The following ZC3HC1 variants were observed in gnomAD, a reference collection of about 807,000 sequenced individuals.
The protein encoded by ZC3HC1 is zinc finger C3HC-type containing 1, also known as zinc finger C3HC-type protein 1.
A neutral mutation model predicts 61.9 loss-of-function variants in ZC3HC1; 38 were observed. That is an observed-to-expected ratio of 0.61 (90% CI 0.47 to 0.81). The LOEUF is 0.81. Among genes scored for constraint, ZC3HC1 ranks in the 30% least tolerant of loss-of-function variants. ZC3HC1 has a pLI of 0.00. For missense variants in ZC3HC1, 554 were observed against 622.7 expected, an observed-to-expected ratio of 0.89 and a Z score of 1.17; for synonymous variants, 213 against 229.9, an observed-to-expected ratio of 0.93 and a Z score of 0.67.
chr7:130,022,660 G>A (rs1793701707), intron 8 of ZC3HC1, 135 bp from the exon 9 acceptor site: 1 of 922,372 alleles, frequency 1.1e-6, no homozygotes, highest in African/African-American at 1.7e-5. Context: ...TTCAAACTTT[G>A]CCTACACATT....
chr7:130,039,441 C>T (rs759195798), intron 4 of ZC3HC1, 23 bp downstream of exon 4: 2 of 1,588,824 alleles, frequency 1.3e-6, no homozygotes, highest in Non-Finnish European at 1.7e-6. Context: ...AAATGGTGAA[C>T]AGGAATTCTC....
At position 130,023,628 on chromosome 7, in the gene ZC3HC1, G is replaced by A; in HGVS notation, c.1116C>T (p.Thr372=). 1 of 1,614,168 alleles carries A rather than the reference G, an allele frequency of 6.2e-7. No homozygotes were observed. Among genetic ancestry groups the A allele is most frequent in the South Asian group, 1.1e-5 (1 of 91,082 alleles). Residue 372 remains threonine (T), a synonymous_variant, in exon 8 of 10, where the codon ACC becomes ACT. Coordinates refer to ENST00000358303, the MANE Select transcript of ZC3HC1 (RefSeq NM_016478.5). This position sits in a 1 kb window ranked among gnomAD's most constrained non-coding sequence, Gnocchi z 4.2. ...TTCGGGTCACTGGGCGAGTTCTGGTGGTGGGGCTAGCAGCCTCTGGCTCAG... is the reference window on the plus strand; with the variant it reads ...TTCGGGTCACTGGGCGAGTTCTGGTAGTGGGGCTAGCAGCCTCTGGCTCAG... ...DRPEPEAASP[T]TRTRPVTRSM... is the part of the protein sequence containing the mutation.
At chr7:130,030,502 G>A (rs1584573239) in intron 4 of ZC3HC1, among the ~76,000 whole-genome samples, 1 of 151,148 alleles carries the variant, frequency 6.6e-6, no homozygotes, top group East Asian at 2.0e-4. Flanking sequence ...GCCCAGCCCT[G>A]AATCAGCTTT....
chr7:130,038,001 G>A (rs928901093), intron 4 of ZC3HC1, among the ~76,000 whole-genome samples: 5 of 152,108 alleles, frequency 3.3e-5, no homozygotes, highest in African/African-American at 1.2e-4. Context: ...TATATTTATT[G>A]CTCAGGCTGG....
chr7:130,046,318 A>C (rs894402883), intron 2 of ZC3HC1, among the ~76,000 whole-genome samples: 1 of 152,084 alleles, frequency 6.6e-6, no homozygotes, highest in Non-Finnish European at 1.5e-5. Context: ...AAAGTTGAAG[A>C]AAAAAAGGCC....
At chr7:130,019,616 T>C (rs2116637109) in intron 9 of ZC3HC1, among the ~76,000 whole-genome samples, 1 of 152,068 alleles carries the variant, frequency 6.6e-6, no homozygotes, top group Non-Finnish European at 1.5e-5. Flanking sequence ...TGAGAAATGG[T>C]GGTAAAGGGA....
At position 130,039,458 on chromosome 7, in the gene ZC3HC1, A is replaced by G. The variant is rs752963303; in HGVS notation, c.493+6T>C. ...ATGGTGAACAGGAATTCTCAAAAATAAGTACCTGGGGATGGGCTGTCTGGC... is the reference window on the plus strand; with the variant it reads ...ATGGTGAACAGGAATTCTCAAAAATGAGTACCTGGGGATGGGCTGTCTGGC... On this transcript the variant is annotated splice_donor_region_variant and intron_variant, in intron 4 of 9. Transcript: ENST00000358303. 1 of 1,605,798 alleles carries G rather than the reference A, an allele frequency of 6.2e-7. No homozygotes were observed. The highest frequency in any genetic ancestry group is 8.5e-7 in the Non-Finnish European group (1 of 1,177,210).
chr7:130,024,483 A>T lies in ZC3HC1; in HGVS notation c.800T>A (p.Leu267His). 6.2e-7 allele frequency: 1 copy of T among 1,609,994 alleles called. No homozygotes were observed. The highest frequency in any genetic ancestry group is 8.5e-7 in the Non-Finnish European group (1 of 1,178,524). The change falls in exon 7 of 10, where the codon CTC becomes CAC. Residue 267 changes from leucine (L) to histidine (H), a missense_variant. Physicochemically the swap from Leu to His is moderately conservative, Grantham distance 99. Coordinates refer to ENST00000358303, the MANE Select transcript of ZC3HC1 (RefSeq NM_016478.5). ...ACSSSLESMQ[L>H]SLITCSQCMR... ...ACATTGCGAACATGTTATCAGGGAG[A>T]GCTGCATGGATTCCAAAGAGGAACT... is the stretch of plus-strand genomic sequence containing the variant.
chr7:130,036,117 T>G (rs1291314198), intron 4 of ZC3HC1, among the ~76,000 whole-genome samples: 2 of 152,122 alleles, frequency 1.3e-5, no homozygotes, highest in African/African-American at 4.8e-5. Context: ...ATGCCTGTTT[T>G]TTTTTTTTTT....
At chr7:130,041,615 A>C (rs1584590785) in intron 2 of ZC3HC1, among the ~76,000 whole-genome samples, 1 of 131,664 alleles carries the variant, frequency 7.6e-6, no homozygotes, top group East Asian at 2.3e-4. Context: ...TGCAACCTCC[A>C]CTTCCCGGGT....
At chr7:130,048,416 T>A (rs143040527) in intron 2 of ZC3HC1, among the ~76,000 whole-genome samples, 1 of 152,076 alleles carries the variant, frequency 6.6e-6, no homozygotes, top group Non-Finnish European at 1.5e-5. Context: ...TTAATTGCAG[T>A]CTGTGAGAGA....
chr7:130,035,636 C>T lies in ZC3HC1; in HGVS notation c.493+3828G>A, dbSNP rs528965988. Among the ~76,000 whole-genome samples, 7 of 152,126 alleles carry T rather than the reference C, an allele frequency of 4.6e-5. No individual in the cohort carries two copies. In the East Asian group the frequency reaches 1.2e-3, roughly 25 times the overall value. On this transcript the variant is annotated intron_variant, in intron 4 of 9. Transcript: ENST00000358303. ...AGCTGGGATTACAGGCATGTGCCAC[C>T]ACGCCCGGCTAATTTTTTTGTATTT...
chr7:130,040,497 CAAAAAAAAAAAAA>C (rs35982469), intron 3 of ZC3HC1, among the ~76,000 whole-genome samples: 515 of 44,172 alleles, frequency 0.012, 7 homozygotes, highest in Admixed American at 0.013. Flanking sequence ...GACTCCGTCT[CAAAAAAAAAAAAA>C]AAAAAAAAAG....
intron 2 of ZC3HC1, chr7:130,043,752 G>A: frequency 2.4e-6 from 1 of 419,988 alleles, no homozygotes; most frequent in Non-Finnish European, 4.7e-6. Flanking sequence ...TATGTAACAG[G>A]CATTCACTTG....
intron 2 of ZC3HC1, among the ~76,000 whole-genome samples, chr7:130,042,302 C>CAA (rs932185993): frequency 0.054 from 3,660 of 68,076 alleles, 174 homozygotes; most frequent in African/African-American, 0.16. Context: ...GACCCTGTCT[C>CAA]AAAAAAAAAA....
At chr7:130,040,490 TC>T (rs1467832480) in intron 3 of ZC3HC1, among the ~76,000 whole-genome samples, 1 of 91,998 alleles carries the variant, frequency 1.1e-5, no homozygotes, top group Non-Finnish European at 2.0e-5. Flanking sequence ...AGAGCGAGAC[TC>T]CGTCTCAAAA....
rs753622316 is a variant in ZC3HC1, at chr7:130,022,535, G to T, written c.1234-10C>A. The T allele has an allele frequency of 1.2e-6, 2 of 1,613,880 alleles. No homozygotes were observed. Among genetic ancestry groups the T allele is most frequent in the Non-Finnish European group, 1.7e-6 (2 of 1,179,930 alleles). ...TTCGGGAAGATGTGTCCTGAGGAAG[G>T]AGAAAAAGAAATAGCATTCATAGGT... On this transcript the variant is annotated splice_polypyrimidine_tract_variant and intron_variant, in intron 8 of 9. Transcript: ENST00000358303.
rs778994303 is a variant in ZC3HC1 at position 130,041,140 on chromosome 7, A to ATGTGTG, written c.259-40_259-39insCACACA. 7 of 1,563,814 alleles carry ATGTGTG rather than the reference A, an allele frequency of 4.5e-6. No homozygotes were observed. In the African/African-American group the frequency reaches 6.0e-5, roughly 13 times the overall value. On this transcript the variant is annotated intron_variant, in intron 2 of 9. Coordinates refer to ENST00000358303, the MANE Select transcript of ZC3HC1 (RefSeq NM_016478.5). ...GAAAAACAACACAGCAAATATATAT[A>ATGTGTG]TATATGTGTGTGTATGTGTGTGTGT...
At chr7:130,047,326 C>T (rs1794903949) in intron 2 of ZC3HC1, among the ~76,000 whole-genome samples, 1 of 152,084 alleles carries the variant, frequency 6.6e-6, no homozygotes, top group South Asian at 2.1e-4. Context: ...AAACTCCTGA[C>T]CTCAGGTGAT....
Sources: gnomAD v4.1 joint callset for allele counts (sites outside exome capture counted in the v4.1 genomes callset) on GRCh38, gnomAD v4.1.1 for gene constraint, Gnocchi (gnomAD v3.1) non-coding constraint, MANE v1.5 for transcripts, NCBI Gene and HGNC (gene_info 2026-07-23, HGNC 2026-07-21) for gene names.